The following SAE1 variants were observed in gnomAD, a reference collection of about 807,000 sequenced individuals.
SAE1 encodes SUMO1 activating enzyme subunit 1, also known as SUMO-activating enzyme subunit 1.
A neutral mutation model predicts 40.6 loss-of-function variants in SAE1; 11 were observed. The ratio of observed to expected loss-of-function variants is 0.27; its 90% CI spans 0.17 to 0.45. The LOEUF (loss-of-function observed/expected upper bound fraction) is 0.45, where lower values mean the gene tolerates loss of function less well. Among genes scored for constraint, SAE1 ranks in the 20% least tolerant of loss-of-function variants. The pLI, the probability that SAE1 is intolerant of heterozygous loss-of-function variation, is 1.00. For missense variants in SAE1, 373 were observed against 427.3 expected (o/e 0.87, Z 1.12); for synonymous variants, 155 against 154.3 (o/e 1.00, Z -0.03).
intron 7 of SAE1, among the ~76,000 whole-genome samples, chr19:47,199,115 G>A (rs926433827): frequency 8.0e-5 from 12 of 149,194 alleles, no homozygotes; most frequent in African/African-American, 2.5e-4. Context: ...GGCTGGGCGC[G>A]GTGGCTCACG....
intron 2 of SAE1, among the ~76,000 whole-genome samples, chr19:47,148,865 C>T (rs754007109): frequency 1.7e-4 from 26 of 152,054 alleles, no homozygotes; most frequent in African/African-American, 5.8e-4. Flanking sequence ...CTGCCTGCCT[C>T]GGCCTCCCAA....
chr19:47,169,082 A>G (rs951296082), intron 5 of SAE1, among the ~76,000 whole-genome samples: 1 of 152,068 alleles, frequency 6.6e-6, no homozygotes, highest in African/African-American at 2.4e-5. Context: ...GCTGTTATTT[A>G]TTATGTCATC....
chr19:47,170,489 T>TCAC (rs1325860943), intron 6 of SAE1, among the ~76,000 whole-genome samples: 1 of 145,080 alleles, frequency 6.9e-6, no homozygotes, highest in Admixed American at 7.1e-5. Context: ...CAACTTCTCT[T>TCAC]CACCGCCCCC....
intron 1 of SAE1, among the ~76,000 whole-genome samples, chr19:47,141,509 C>G (rs2058221953): frequency 6.6e-6 from 1 of 152,040 alleles, no homozygotes; most frequent in African/African-American, 2.4e-5. Flanking sequence ...TCGTGGAGAG[C>G]AGATTTATTG....
chr19:47,197,392 T>A lies in SAE1; in HGVS notation c.878+15T>A. ...GACTTTGTCAGGTTGGTGTCAGTATTTATCACTGTTTAGTCTGGACAGATA... is the reference window on the plus strand; with the variant it reads ...GACTTTGTCAGGTTGGTGTCAGTATATATCACTGTTTAGTCTGGACAGATA... On this transcript the variant is annotated intron_variant, in intron 7 of 8. Transcript: ENST00000270225. The A allele has an allele frequency of 9.9e-6, 16 of 1,609,026 alleles. No homozygotes were observed. The highest frequency in any genetic ancestry group is 1.4e-5 in the Non-Finnish European group (16 of 1,177,814).
chr19:47,201,417 G>T (rs1299149653), intron 7 of SAE1, among the ~76,000 whole-genome samples: 3 of 121,314 alleles, frequency 2.5e-5, no homozygotes, highest in African/African-American at 3.2e-5. Context: ...TGTCACCCAG[G>T]CTGGAGTGCA....
At chr19:47,137,559 TG>T (rs1310321603) in intron 1 of SAE1, among the ~76,000 whole-genome samples, 2 of 151,480 alleles carry the variant, frequency 1.3e-5, no homozygotes, top group African/African-American at 4.9e-5. Context: ...CGCAGTGACG[TG>T]ATCTTCAGCT....
At chr19:47,161,312 A>G (rs932436495) in intron 5 of SAE1, among the ~76,000 whole-genome samples, 2 of 151,724 alleles carry the variant, frequency 1.3e-5, no homozygotes, top group Non-Finnish European at 2.9e-5. Context: ...TACCCAGCCT[A>G]TATTTTTTTT....
intron 1 of SAE1, among the ~76,000 whole-genome samples, chr19:47,139,755 ATTTTTTT>A (rs780524600): frequency 1.1e-4 from 14 of 125,144 alleles, no homozygotes; most frequent in Non-Finnish European, 2.4e-4. Flanking sequence ...CTCCCGGCCA[ATTTTTTT>A]TTTTTTTTTT....
intron 3 of SAE1, among the ~76,000 whole-genome samples, chr19:47,152,586 T>A (rs1176986951): frequency 6.6e-6 from 1 of 152,234 alleles, no homozygotes; most frequent in Non-Finnish European, 1.5e-5. Flanking sequence ...TTATTTTTTT[T>A]ATGAGAACTA....
At position 47,147,367 on chromosome 19, in the gene SAE1, G is replaced by A. The variant is rs908183375; in HGVS notation, c.211-2835G>A. Among the ~76,000 whole-genome samples, 16 of 149,430 alleles carry A rather than the reference G, an allele frequency of 1.1e-4. 1 individual carries two copies. The highest frequency in any genetic ancestry group is 2.7e-4 in the Admixed American group (4 of 15,090). On this transcript the variant is annotated intron_variant, in intron 2 of 8. Transcript: ENST00000270225. ...ACTACAGGTGCACGCCACCACACCTGGCTAATTTTTTGTATTTTTTGTAGA... is the reference window on the plus strand; with the variant it reads ...ACTACAGGTGCACGCCACCACACCTAGCTAATTTTTTGTATTTTTTGTAGA...
chr19:47,180,371 A>G, intron 6 of SAE1: 1 of 402,794 alleles, frequency 2.5e-6, no homozygotes, highest in Non-Finnish European at 4.9e-6. Flanking sequence ...GGGCATGTCA[A>G]AAGAACAAGA....
chr19:47,173,909 C>T (rs576219268), intron 6 of SAE1, among the ~76,000 whole-genome samples: 8 of 151,798 alleles, frequency 5.3e-5, no homozygotes, highest in Non-Finnish European at 7.4e-5. Context: ...CTCAGCCTCC[C>T]GACTAGCTGG....
intron 6 of SAE1, among the ~76,000 whole-genome samples, chr19:47,188,349 CA>C (rs11366843): frequency 0.57 from 79,358 of 140,404 alleles, 22,576 homozygotes; most frequent in African/African-American, 0.75. Flanking sequence ...GGCCATGTCT[CA>C]AAAAAAAAAA....
chr19:47,153,121 G>T, intron 4 of SAE1, 81 bp downstream of exon 4: 1 of 1,241,864 alleles, frequency 8.1e-7, no homozygotes, highest in Admixed American at 2.3e-5. Context: ...ATTTATTTAT[G>T]TGTAGAGACA....
At chr19:47,195,070 T>C (rs894436258) in intron 6 of SAE1, among the ~76,000 whole-genome samples, 2 of 151,096 alleles carry the variant, frequency 1.3e-5, no homozygotes, top group African/African-American at 4.9e-5. Context: ...TTTTTTTTTT[T>C]CTGAGATGAA....
chr19:47,171,215 C>T (rs1244229963), intron 6 of SAE1, among the ~76,000 whole-genome samples: 2 of 151,948 alleles, frequency 1.3e-5, no homozygotes, highest in Non-Finnish European at 2.9e-5. Context: ...CCTCGTGATC[C>T]GCCCACCTCA....
chr19:47,171,410 C>A (rs1261343145), intron 6 of SAE1, among the ~76,000 whole-genome samples: 2 of 152,264 alleles, frequency 1.3e-5, no homozygotes, highest in South Asian at 4.1e-4. Flanking sequence ...TCTCCTGCCT[C>A]AGCCTCCCGA....
intron 6 of SAE1, among the ~76,000 whole-genome samples, chr19:47,172,944 A>T (rs768917077): frequency 6.6e-6 from 1 of 152,074 alleles, no homozygotes; most frequent in Non-Finnish European, 1.5e-5. Context: ...AGGGAATTTA[A>T]AGTCAGTGGC....
Sources: gnomAD v4.1 joint callset for allele counts (sites outside exome capture counted in the v4.1 genomes callset) on GRCh38, gnomAD v4.1.1 for gene constraint, MANE v1.5 for transcripts, NCBI Gene and HGNC (gene_info 2026-07-23, HGNC 2026-07-21) for gene names.